CADM2: variants seen among roughly 807,000 people sequenced by gnomAD.
The protein encoded by CADM2 is immunoglobulin superfamily member 4D.
CADM2 carries 12 observed loss-of-function variants against 49.8 expected under a neutral mutation model. The observed-to-expected ratio is 0.24, with a 90% CI of 0.15 to 0.39. The LOEUF (loss-of-function observed/expected upper bound fraction) is 0.39. Among genes scored for constraint, CADM2 ranks in the 10% least tolerant of loss-of-function variants. The pLI is 1.00. For synonymous variants in CADM2, 214 were observed against 175.4 expected, an observed-to-expected ratio of 1.22 and a Z score of -1.74; for missense variants, 378 against 492.3, an observed-to-expected ratio of 0.77 and a Z score of 2.20.
intron 1 of CADM2, among the ~76,000 whole-genome samples, chr3:85,181,729 A>G (rs930687080): frequency 5.3e-5 from 8 of 151,696 alleles, no homozygotes; most frequent in African/African-American, 1.9e-4. Flanking sequence ...AAGTCTACCC[A>G]CAGAGATTTT....
chr3:85,585,130 C>T (rs141117190), intron 1 of CADM2, among the ~76,000 whole-genome samples: 5 of 152,038 alleles, frequency 3.3e-5, no homozygotes, highest in South Asian at 2.1e-4. Context: ...CCATGCCTCT[C>T]GGATCCTGAA....
At chr3:85,063,781 A>G (rs1427461000) in intron 1 of CADM2, among the ~76,000 whole-genome samples, 1 of 152,060 alleles carries the variant, frequency 6.6e-6, no homozygotes, top group Admixed American at 6.6e-5. Flanking sequence ...TTCCACCTTG[A>G]CAAGCAGAAT....
intron 2 of CADM2, among the ~76,000 whole-genome samples, chr3:85,762,124 T>G (rs2107906337): frequency 6.6e-6 from 1 of 152,300 alleles, no homozygotes; most frequent in East Asian, 1.9e-4. Context: ...GGAAATCCTT[T>G]ACATAACTAA....
chr3:85,630,903 C>T (rs1013121358), intron 1 of CADM2, among the ~76,000 whole-genome samples: 1 of 151,664 alleles, frequency 6.6e-6, no homozygotes, highest in Non-Finnish European at 1.5e-5. Flanking sequence ...CCTCTAATAG[C>T]TTTGTATTAC....
At chr3:85,732,068 T>C (rs2107798252) in intron 2 of CADM2, among the ~76,000 whole-genome samples, 1 of 119,516 alleles carries the variant, frequency 8.4e-6, no homozygotes, top group East Asian at 2.4e-4. Flanking sequence ...GCCAACATGG[T>C]GAAAACCCAT....
intron 1 of CADM2, among the ~76,000 whole-genome samples, chr3:85,544,115 CAAGT>C (rs1476855728): frequency 6.6e-6 from 1 of 152,006 alleles, no homozygotes; most frequent in South Asian, 2.1e-4. Flanking sequence ...AAACTAATGT[CAAGT>C]AAGACACAGG....
chr3:85,200,323 G>A (rs1259240163), intron 1 of CADM2, among the ~76,000 whole-genome samples: 2 of 151,980 alleles, frequency 1.3e-5, no homozygotes, highest in Admixed American at 1.3e-4. Flanking sequence ...ACTGTTTCTG[G>A]TAAACCGTTT....
chr3:85,139,444 T>G (rs2039512765), intron 1 of CADM2, among the ~76,000 whole-genome samples: 2 of 152,200 alleles, frequency 1.3e-5, no homozygotes, highest in African/African-American at 4.8e-5. Flanking sequence ...ACTTATTTGT[T>G]TGTAATTGCA....
At chr3:85,939,468 AACAC>A (rs373804679) in intron 7 of CADM2, among the ~76,000 whole-genome samples, 166 of 137,068 alleles carry the variant, frequency 1.2e-3, no homozygotes, top group African/African-American at 1.7e-3. Context: ...AGTAAACGAA[AACAC>A]ACACACACAC....
chr3:85,118,747 A>G (rs1372116916), intron 1 of CADM2, among the ~76,000 whole-genome samples: 1 of 152,028 alleles, frequency 6.6e-6, no homozygotes, highest in Non-Finnish European at 1.5e-5. Context: ...ATTTATATTT[A>G]TTTATTTACT....
At chr3:85,989,788 G>A (rs553232551) in intron 8 of CADM2, among the ~76,000 whole-genome samples, 10 of 151,922 alleles carry the variant, frequency 6.6e-5, no homozygotes, top group Admixed American at 1.3e-4. Context: ...TGAGGCAGGC[G>A]ATCACCTGAG....
At chr3:85,756,084 A>G (rs2069106306) in intron 2 of CADM2, among the ~76,000 whole-genome samples, 1 of 152,162 alleles carries the variant, frequency 6.6e-6, no homozygotes, top group African/African-American at 2.4e-5. Flanking sequence ...ATGATGAATA[A>G]CAAAAGACAT....
intron 1 of CADM2, among the ~76,000 whole-genome samples, chr3:85,469,763 A>G (rs2038684684): frequency 6.6e-6 from 1 of 152,204 alleles, no homozygotes; most frequent in African/African-American, 2.4e-5. Context: ...GTAGGCTAAA[A>G]TTGACTGTAG....
chr3:85,308,284 AATATCT>A (rs1027974530), intron 1 of CADM2, among the ~76,000 whole-genome samples: 29 of 145,812 alleles, frequency 2.0e-4, no homozygotes, highest in African/African-American at 6.8e-4. Context: ...TATTTATTTA[AATATCT>A]ATATCTATAT....
At chr3:85,487,724 C>CTG (rs372515131) in intron 1 of CADM2, among the ~76,000 whole-genome samples, 26 of 151,040 alleles carry the variant, frequency 1.7e-4, no homozygotes, top group African/African-American at 4.4e-4. Context: ...AAATAAACCT[C>CTG]TGTGTGTGTG....
intron 1 of CADM2, among the ~76,000 whole-genome samples, chr3:85,291,362 C>A (rs2106935297): frequency 6.6e-6 from 1 of 151,518 alleles, no homozygotes; most frequent in East Asian, 1.9e-4. Context: ...GGAAAACACT[C>A]TGCAGGATAT....
At chr3:85,542,706 CATT>C (rs757524494) in intron 1 of CADM2, among the ~76,000 whole-genome samples, 1 of 152,098 alleles carries the variant, frequency 6.6e-6, no homozygotes, top group Non-Finnish European at 1.5e-5. Flanking sequence ...GAAAGAAAAA[CATT>C]ATCCCTATTG....
At chr3:85,835,007 T>A (rs1304717932) in intron 3 of CADM2, among the ~76,000 whole-genome samples, 2 of 151,626 alleles carry the variant, frequency 1.3e-5, no homozygotes, top group Non-Finnish European at 3.0e-5. Flanking sequence ...CACACGCATG[T>A]GTGTGTGAAT....
chr3:85,388,803 A>T (rs940053443), intron 1 of CADM2, among the ~76,000 whole-genome samples: 1 of 152,116 alleles, frequency 6.6e-6, no homozygotes, highest in Admixed American at 6.5e-5. Flanking sequence ...ACACAGAAAA[A>T]TCATATTCAT....
Sources: allele counts gnomAD v4.1 joint callset (sites outside exome capture counted in the v4.1 genomes callset), GRCh38; gene constraint gnomAD v4.1.1; transcripts MANE v1.5; gene names NCBI Gene and HGNC (gene_info 2026-07-23, HGNC 2026-07-21).